SV2C: variants seen among roughly 807,000 people sequenced by gnomAD.
The protein encoded by SV2C is solute carrier family 22 member B3.
A neutral mutation model predicts 79.7 loss-of-function variants in SV2C; 49 were observed. The observed-to-expected ratio is 0.61, with a 90% CI of 0.49 to 0.78. SV2C has a LOEUF of 0.78. Among genes scored for constraint, SV2C ranks in the 30% least tolerant of loss-of-function variants. SV2C has a pLI of 0.00. For synonymous variants in SV2C, 334 were observed against 333.2 expected, an observed-to-expected ratio of 1.00 and a Z score of -0.03; for missense variants, 833 against 912.9, an observed-to-expected ratio of 0.91 and a Z score of 1.13.
the SV2C span, among the ~76,000 whole-genome samples, chr5:75,928,659 G>A: frequency 6.6e-6 from 1 of 152,118 alleles, no homozygotes; most frequent in Admixed American, 6.5e-5. Context: ...AGAGGCTGGG[G>A]AGTAGGCACT....
rs1743450008 is a variant in SV2C at position 76,174,263 on chromosome 5, C to G, written c.581-20656C>G. On this transcript the variant is annotated intron_variant, in intron 2 of 12. Coordinates refer to ENST00000502798, the MANE Select transcript of SV2C (RefSeq NM_014979.4). ...TCTCTGCAGCCAGCGTCGCCCCGTG[C>G]TCCCCGCGGGTCGCTACTCTAGGCG... is the stretch of plus-strand genomic sequence containing the variant. 3.5e-6 allele frequency: 5 copies of G among 1,412,374 alleles called. No individual in the cohort carries two copies. In the East Asian group the frequency reaches 1.1e-4, roughly 32 times the overall value. 87.5% of individuals were successfully genotyped at this position (1,412,374 alleles called of 1,614,324 possible).
chr5:76,283,295 G>A (rs551500576), intron 4 of SV2C, among the ~76,000 whole-genome samples: 160 of 152,246 alleles, frequency 1.1e-3, no homozygotes, highest in African/African-American at 2.4e-3. Flanking sequence ...CCAGCCTGGC[G>A]ACAGAGCGAG....
chr5:76,067,976 TC>T, the SV2C span, among the ~76,000 whole-genome samples: 1 of 152,152 alleles, frequency 6.6e-6, no homozygotes, highest in Non-Finnish European at 1.5e-5. Flanking sequence ...TTGATGTTTA[TC>T]CATTTACAGT....
At chr5:76,013,550 A>C in the SV2C span, among the ~76,000 whole-genome samples, 1 of 152,196 alleles carries the variant, frequency 6.6e-6, no homozygotes, top group Non-Finnish European at 1.5e-5. Context: ...TGTCATCTGC[A>C]AACAGAGACA....
intron 1 of SV2C, among the ~76,000 whole-genome samples, chr5:76,114,338 C>T (rs1467937909): frequency 6.6e-6 from 1 of 152,078 alleles, no homozygotes. Context: ...CTTTTTATAG[C>T]CACCACCCTA....
intron 4 of SV2C, among the ~76,000 whole-genome samples, chr5:76,264,403 G>A (rs1746578061): frequency 1.3e-5 from 2 of 152,032 alleles, no homozygotes. Flanking sequence ...AGAGGAGTTT[G>A]TTATTACCCA....
chr5:75,990,671 T>C, the SV2C span, among the ~76,000 whole-genome samples: 6 of 151,910 alleles, frequency 3.9e-5, no homozygotes, highest in Non-Finnish European at 7.4e-5. Flanking sequence ...GTCCTGGGAA[T>C]GAAGGTGCTA....
the SV2C span, among the ~76,000 whole-genome samples, chr5:76,018,223 A>C: frequency 6.6e-6 from 1 of 152,306 alleles, no homozygotes; most frequent in South Asian, 2.1e-4. Flanking sequence ...AATGGTGGAC[A>C]CTGTTCCCTG....
chr5:76,313,293 G>A (rs1325485571), intron 12 of SV2C, among the ~76,000 whole-genome samples: 1 of 152,090 alleles, frequency 6.6e-6, no homozygotes, highest in African/African-American at 2.4e-5. Flanking sequence ...ACCAACCTAT[G>A]TAATCCACTC....
At chr5:76,031,332 C>A in the SV2C span, among the ~76,000 whole-genome samples, 1 of 152,222 alleles carries the variant, frequency 6.6e-6, no homozygotes, top group Non-Finnish European at 1.5e-5. Flanking sequence ...TATCCCAGAC[C>A]CTGCCAATAA....
intron 1 of SV2C, among the ~76,000 whole-genome samples, chr5:76,115,371 T>C (rs1474712732): frequency 6.6e-6 from 1 of 152,206 alleles, no homozygotes; most frequent in African/African-American, 2.4e-5. Context: ...AAACTAGTCT[T>C]ATTTTGTAAT....
chr5:75,851,308 T>C, the SV2C span, among the ~76,000 whole-genome samples: 2 of 152,198 alleles, frequency 1.3e-5, no homozygotes, highest in East Asian at 3.8e-4. Flanking sequence ...TTCTGCTATG[T>C]GCATAGCTGA....
intron 4 of SV2C, among the ~76,000 whole-genome samples, chr5:76,229,389 A>G (rs1271032684): frequency 1.3e-5 from 2 of 152,236 alleles, no homozygotes; most frequent in Admixed American, 1.3e-4. Flanking sequence ...GGAGGGTAGT[A>G]AAATGGATGC....
intron 1 of SV2C, among the ~76,000 whole-genome samples, chr5:76,092,038 A>G (rs943356313): frequency 1.3e-5 from 2 of 152,200 alleles, no homozygotes; most frequent in Non-Finnish European, 2.9e-5. Flanking sequence ...AGATGTTGTT[A>G]GTTAAAAATA....
At chr5:76,125,747 G>C (rs80031115) in intron 1 of SV2C, among the ~76,000 whole-genome samples, 1 of 152,126 alleles carries the variant, frequency 6.6e-6, no homozygotes, top group East Asian at 1.9e-4. Context: ...ACCCCTTATG[G>C]TGCTTGAGTC....
the SV2C span, among the ~76,000 whole-genome samples, chr5:75,964,493 A>G: frequency 6.6e-6 from 1 of 152,112 alleles, no homozygotes; most frequent in Non-Finnish European, 1.5e-5. Context: ...CCACTGGCAT[A>G]GTTCTTTTGT....
the SV2C span, among the ~76,000 whole-genome samples, chr5:75,979,852 G>A: frequency 6.6e-6 from 1 of 152,108 alleles, no homozygotes; most frequent in African/African-American, 2.4e-5. Context: ...CCCAAAGCTA[G>A]CAGAAGACAA....
chr5:76,174,026 A>G, intron 2 of SV2C: 2 of 1,566,752 alleles, frequency 1.3e-6, no homozygotes, highest in Non-Finnish European at 1.8e-6. Context: ...CAAGATTTCA[A>G]GCATACACTG....
At chr5:75,901,689 A>G in the SV2C span, among the ~76,000 whole-genome samples, 3 of 152,256 alleles carry the variant, frequency 2.0e-5, no homozygotes, top group Non-Finnish European at 4.4e-5. Flanking sequence ...CTGCCCCCAG[A>G]GGTGGAGCCT....
Sources: gnomAD v4.1 joint callset for allele counts (sites outside exome capture counted in the v4.1 genomes callset) on GRCh38, gnomAD v4.1.1 for gene constraint, MANE v1.5 for transcripts, NCBI Gene and HGNC (gene_info 2026-07-23, HGNC 2026-07-21) for gene names.